Variants in ADGRL3 observed in about 807,000 individuals in gnomAD.
ADGRL3 encodes calcium-independent alpha-latrotoxin receptor 3.
In ADGRL3, 62 loss-of-function variants were observed where a neutral mutation model predicts 153.5. The ratio of observed to expected loss-of-function variants is 0.40; its 90% confidence interval spans 0.33 to 0.50. The LOEUF (loss-of-function observed/expected upper bound fraction) is 0.50, where lower values mean the gene tolerates loss of function less well. Ranked by LOEUF, ADGRL3 falls within the 20% of genes least tolerant of loss-of-function variation. The pLI is 0.47. For synonymous variants in ADGRL3, 710 were observed against 672.5 expected, an observed-to-expected ratio of 1.06 and a Z score of -0.86; for missense variants, 1,641 against 1,859.4, an observed-to-expected ratio of 0.88 and a Z score of 2.16.
At chr4:61,807,053 A>G (rs2097560156) in intron 8 of ADGRL3, among the ~76,000 whole-genome samples, 1 of 152,098 alleles carries the variant, frequency 6.6e-6, no homozygotes, top group Non-Finnish European at 1.5e-5. Flanking sequence ...TCACACACAT[A>G]CTGATTGGGC....
intron 16 of ADGRL3, among the ~76,000 whole-genome samples, chr4:61,947,772 C>A (rs545304377): frequency 4.7e-4 from 71 of 152,200 alleles, no homozygotes; most frequent in African/African-American, 1.6e-3. Flanking sequence ...TAAAGATCAT[C>A]CTTTCAGATG....
intron 1 of ADGRL3, among the ~76,000 whole-genome samples, chr4:61,331,049 T>G (rs563129429): frequency 2.0e-5 from 3 of 152,206 alleles, no homozygotes; most frequent in African/African-American, 4.8e-5. Flanking sequence ...TGGTTCCTGC[T>G]TTTGAAACCA....
At chr4:61,270,622 C>T (rs1377249106) in intron 1 of ADGRL3, among the ~76,000 whole-genome samples, 2 of 151,650 alleles carry the variant, frequency 1.3e-5, no homozygotes, top group East Asian at 3.9e-4. Context: ...AATGCCGAGG[C>T]AGGAAATTAT....
intron 5 of ADGRL3, among the ~76,000 whole-genome samples, chr4:61,595,624 G>C (rs1387450501): frequency 6.6e-6 from 1 of 152,146 alleles, no homozygotes; most frequent in Non-Finnish European, 1.5e-5. Flanking sequence ...CACTGCCTGG[G>C]GTTAGAGGAG....
chr4:62,018,236 A>G (rs2099222307), intron 21 of ADGRL3, among the ~76,000 whole-genome samples: 1 of 152,176 alleles, frequency 6.6e-6, no homozygotes, highest in African/African-American at 2.4e-5. Context: ...GTCTAGGCGT[A>G]TTAAAAGCAG....
chr4:61,724,374 C>T (rs2096290388), intron 6 of ADGRL3, among the ~76,000 whole-genome samples: 1 of 152,090 alleles, frequency 6.6e-6, no homozygotes, highest in Non-Finnish European at 1.5e-5. Flanking sequence ...TTTGCAGATC[C>T]ATCAATGGCA....
intron 1 of ADGRL3, among the ~76,000 whole-genome samples, chr4:61,378,904 A>G (rs1296694309): frequency 6.6e-6 from 1 of 151,972 alleles, no homozygotes; most frequent in East Asian, 1.9e-4. Context: ...GATTAGTGGC[A>G]GGTGGTTGAA....
In ADGRL3 at chr4:61,979,592, G is replaced by A. The variant is rs1189859057; in HGVS notation, c.2835G>A (p.Leu945=). Residue 945 remains leucine (L), a synonymous_variant, in exon 18 of 27, where the codon CTG becomes CTA. Transcript: ENST00000683033. The part of the protein sequence containing the change: ...KHSDAVHDLL[L]DVITWVGILL... ...GTGATGCGGTCCATGACCTCCTTCT[G>A]GATGTGATCACGTGGGTTGGAATTT... The A allele has an allele frequency of 6.2e-7, 1 of 1,613,814 alleles. No individual in the cohort carries two copies. The highest frequency in any genetic ancestry group is 2.2e-5 in the East Asian group (1 of 44,870).
chr4:61,600,332 A>G (rs1244770167), intron 5 of ADGRL3, among the ~76,000 whole-genome samples: 1 of 143,668 alleles, frequency 7.0e-6, no homozygotes, highest in Non-Finnish European at 1.5e-5. Context: ...AAAAGAGGAA[A>G]TGAATTGGAA....
intron 1 of ADGRL3, among the ~76,000 whole-genome samples, chr4:61,249,193 G>T (rs1758233954): frequency 6.6e-6 from 1 of 152,132 alleles, no homozygotes; most frequent in Non-Finnish European, 1.5e-5. Flanking sequence ...GGAATAAATG[G>T]ATTTCTTTTT....
intron 18 of ADGRL3, among the ~76,000 whole-genome samples, chr4:61,981,715 T>C (rs374011800): frequency 6.6e-6 from 1 of 152,176 alleles, no homozygotes; most frequent in African/African-American, 2.4e-5. Flanking sequence ...ATGAGTAAAA[T>C]TGCAAAATAG....
At chr4:61,808,954 A>G (rs2097579604) in intron 8 of ADGRL3, among the ~76,000 whole-genome samples, 1 of 152,060 alleles carries the variant, frequency 6.6e-6, no homozygotes, top group South Asian at 2.1e-4. Flanking sequence ...TAACATCCAA[A>G]ACGTTATAAA....
intron 8 of ADGRL3, among the ~76,000 whole-genome samples, chr4:61,749,651 T>A (rs886339901): frequency 2.6e-5 from 4 of 152,048 alleles, no homozygotes; most frequent in East Asian, 1.9e-4. Context: ...TAGGTGGGAA[T>A]TGAACAATGA....
chr4:61,892,740 G>C lies in ADGRL3; in HGVS notation c.1565G>C (p.Ser522Thr). The change falls in exon 10 of 27, where the codon AGT (serine) becomes ACT (threonine). Residue 522 changes from serine to threonine, a missense_variant. Coordinates refer to ENST00000683033, the MANE Select transcript of ADGRL3 (RefSeq NM_001387552.1). Reference sequence around the variant, plus strand: ...ACCACAACTTTGAGCCCAGGAAGGAGTACCACCCCGTCAGTGTCAGGAAGA... The same window carrying C: ...ACCACAACTTTGAGCCCAGGAAGGACTACCACCCCGTCAGTGTCAGGAAGA... ...LRTTTLSPGR[S>T]TTPSVSGRRN... 1 of 1,613,886 alleles carries C rather than the reference G, an allele frequency of 6.2e-7. No homozygotes were observed. The highest frequency in any genetic ancestry group is 2.2e-5 in the East Asian group (1 of 44,858).
intron 8 of ADGRL3, among the ~76,000 whole-genome samples, chr4:61,787,686 C>G (rs997147488): frequency 3.3e-5 from 5 of 151,958 alleles, no homozygotes; most frequent in South Asian, 2.1e-4. Context: ...GAATACCCAG[C>G]CTTATTTCCA....
At position 61,243,442 on chromosome 4, in the gene ADGRL3, A is replaced by G. The variant is rs999880535; in HGVS notation, c.-240+41677A>G. On this transcript the variant is annotated intron_variant, in intron 1 of 26. Transcript: ENST00000683033. Reference sequence around the variant, plus strand: ...TGACAGACACATGAGGTCCCACCCAATCTCTGCTTCTCCCTTGGGCAGCAG... The same window carrying G: ...TGACAGACACATGAGGTCCCACCCAGTCTCTGCTTCTCCCTTGGGCAGCAG... 2.1e-4 allele frequency among the ~76,000 whole-genome samples: 32 copies of G among 152,070 alleles called. No homozygotes were observed. In the East Asian group the frequency reaches 2.7e-3, roughly 13 times the overall value.
intron 1 of ADGRL3, among the ~76,000 whole-genome samples, chr4:61,262,826 T>C (rs1269292826): frequency 6.6e-6 from 1 of 152,108 alleles, no homozygotes; most frequent in Non-Finnish European, 1.5e-5. Flanking sequence ...GTGGAACCAA[T>C]TCTTATTTTT....
intron 1 of ADGRL3, among the ~76,000 whole-genome samples, chr4:61,351,789 T>G (rs2096057589): frequency 6.6e-6 from 1 of 151,526 alleles, no homozygotes; most frequent in African/African-American, 2.4e-5. Flanking sequence ...AAAATCCTTT[T>G]GAAATACTGA....
intron 1 of ADGRL3, among the ~76,000 whole-genome samples, chr4:61,236,394 T>C (rs1317738896): frequency 6.6e-6 from 1 of 152,128 alleles, no homozygotes; most frequent in East Asian, 1.9e-4. Context: ...AGCTTTTTCT[T>C]TGGTGACCAC....
Sources: gnomAD v4.1 joint callset for allele counts (sites outside exome capture counted in the v4.1 genomes callset) on GRCh38, gnomAD v4.1.1 for gene constraint, MANE v1.5 for transcripts, NCBI Gene and HGNC (gene_info 2026-07-23, HGNC 2026-07-21) for gene names.